Variants in GLDN observed in about 807,000 individuals in gnomAD.
GLDN encodes gliomedin.
Under a neutral mutation model 56.5 loss-of-function variants are expected in GLDN, and 47 were observed. The ratio of observed to expected loss-of-function variants is 0.83; its 90% CI spans 0.66 to 1.06. The LOEUF is 1.06. Ranked by LOEUF, GLDN falls within the 50% of genes least tolerant of loss-of-function variation. The pLI is 0.00. For missense variants in GLDN, 782 were observed against 714.3 expected (o/e 1.09, Z -1.08); for synonymous variants, 332 against 278.8 (o/e 1.19, Z -1.90).
At position 51,401,763 on chromosome 15, in the gene GLDN, C is replaced by T. The variant is rs778862255; in HGVS notation, c.1178+20C>T. On this transcript the variant is annotated intron_variant, in intron 9 of 9. Coordinates refer to ENST00000335449, the MANE Select transcript of GLDN (RefSeq NM_181789.4). Reference sequence around the variant, plus strand: ...AGTGAGGTAAGTCGCACCACAGCACCTTCTCACGCCTCTCAGGCAGCACCT... The same window carrying T: ...AGTGAGGTAAGTCGCACCACAGCACTTTCTCACGCCTCTCAGGCAGCACCT... The T allele has an allele frequency of 1.4e-5, 22 of 1,607,008 alleles. No homozygotes were observed. The Middle Eastern group carries it at 5.0e-4, about 37-fold the overall frequency.
rs1158904014 is a variant in GLDN at position 51,401,653 on chromosome 15, T to C, written c.1088T>C (p.Ile363Thr). ...PSLLNGSYTF[I>T]HLPYYFHGCG... ...CTTCTGAATGGCAGTTACACGTTCA[T>C]CCACCTTCCATACTATTTCCATGGC... Residue 363 changes from isoleucine (I) to threonine (T), a missense_variant, in exon 9 of 10, where the codon ATC becomes ACC. Transcript: ENST00000335449. The C allele has an allele frequency of 6.2e-7, 1 of 1,614,148 alleles. No homozygotes were observed. The highest frequency in any genetic ancestry group is 1.1e-5 in the South Asian group (1 of 91,084).
At chr15:51,379,011 A>T (rs2037696451) in intron 2 of GLDN, among the ~76,000 whole-genome samples, 1 of 152,194 alleles carries the variant, frequency 6.6e-6, no homozygotes, top group Non-Finnish European at 1.5e-5. Flanking sequence ...TCATCTTTGA[A>T]AAAGCAGGCA....
At chr15:51,399,531 C>T (rs968921870) in intron 6 of GLDN, among the ~76,000 whole-genome samples, 3 of 152,216 alleles carry the variant, frequency 2.0e-5, no homozygotes, top group African/African-American at 7.2e-5. Context: ...GGATGAGTCA[C>T]AGCTCAGCTG....
chr15:51,385,346 A>AT (rs1439315719), intron 4 of GLDN: 1 of 152,094 alleles, frequency 6.6e-6, no homozygotes, highest in Non-Finnish European at 1.5e-5. Context: ...CTTGAGACAG[A>AT]TCCCTGGCCT....
rs182324680 is a variant in GLDN at position 51,375,746 on chromosome 15, G to A, written c.364-1703G>A. On this transcript the variant is annotated intron_variant, in intron 1 of 9. Transcript: ENST00000335449. ...CCCAGGGGCAGTTTCCACGTGCCAG[G>A]GACTGAGCAGGTGCATTCCTCAAGG... Among the ~76,000 whole-genome samples the A allele has an allele frequency of 7.2e-5, 11 of 152,314 alleles. No homozygotes were observed. The East Asian group carries it at 2.1e-3, about 29-fold the overall frequency.
chr15:51,363,624 CA>C (rs2141067701), intron 1 of GLDN, among the ~76,000 whole-genome samples: 1 of 152,292 alleles, frequency 6.6e-6, no homozygotes, highest in Admixed American at 6.5e-5. Context: ...GAAAAATCCT[CA>C]AACACTTACG....
intron 1 of GLDN, among the ~76,000 whole-genome samples, chr15:51,359,653 A>G (rs1304233335): frequency 6.6e-6 from 1 of 152,190 alleles, no homozygotes; most frequent in Non-Finnish European, 1.5e-5. Flanking sequence ...ACCCTATGGC[A>G]TTTTTAGAGA....
chr15:51,377,210 G>A (rs990187113), intron 1 of GLDN: 17 of 542,020 alleles, frequency 3.1e-5, no homozygotes, highest in African/African-American at 7.6e-5. Flanking sequence ...ACACTACCCC[G>A]TGACTGGACA....
In GLDN at chr15:51,403,590, G is replaced by A. The variant is rs147967798; in HGVS notation, c.1179-687G>A. Among the ~76,000 whole-genome samples, 19 of 152,272 alleles carry A rather than the reference G, an allele frequency of 1.2e-4. No homozygotes were observed. The East Asian group carries it at 3.7e-3, about 29-fold the overall frequency. The stretch of plus-strand genomic sequence containing the variant: ...ATCTGTCAAATCATACAGCCTCCAG[G>A]AGCTAAGGGGCATGAGATTCCATGC... On this transcript the variant is annotated intron_variant, in intron 9 of 9. Transcript: ENST00000335449.
At chr15:51,348,941 G>C (rs765873490) in intron 1 of GLDN, among the ~76,000 whole-genome samples, 1 of 152,088 alleles carries the variant, frequency 6.6e-6, no homozygotes, top group African/African-American at 2.4e-5. Context: ...TGTGATTGTT[G>C]CTATTACTGA....
At chr15:51,373,473 T>C (rs2037557601) in intron 1 of GLDN, among the ~76,000 whole-genome samples, 1 of 152,244 alleles carries the variant, frequency 6.6e-6, no homozygotes, top group African/African-American at 2.4e-5. Context: ...ACCCACACAG[T>C]GCAAACCTGT....
rs747801689 is a variant in GLDN at position 51,404,484 on chromosome 15, C to T, written c.1386C>T (p.His462=). 2.2e-5 allele frequency: 36 copies of T among 1,614,118 alleles called. No homozygotes were observed. The highest frequency in any genetic ancestry group is 1.6e-4 in the Middle Eastern group (1 of 6,062). Residue 462 remains histidine (H), a synonymous_variant, in exon 10 of 10, where the codon CAC becomes CAT. Coordinates refer to ENST00000335449, the MANE Select transcript of GLDN (RefSeq NM_181789.4). ...LDERTFSVVQ[H]VNTTYPKSKA... is the part of the protein sequence containing the mutation. Reference sequence around the variant, plus strand: ...AGAGGACATTCTCAGTGGTGCAACACGTCAATACCACGTACCCTAAATCCA... The same window carrying T: ...AGAGGACATTCTCAGTGGTGCAACATGTCAATACCACGTACCCTAAATCCA...
chr15:51,349,887 T>C (rs1268394501), intron 1 of GLDN, among the ~76,000 whole-genome samples: 1 of 151,932 alleles, frequency 6.6e-6, no homozygotes, highest in Non-Finnish European at 1.5e-5. Flanking sequence ...TTACAGGCGC[T>C]TGCCACCATG....
chr15:51,363,169 G>A (rs1487857455), intron 1 of GLDN, among the ~76,000 whole-genome samples: 2 of 152,170 alleles, frequency 1.3e-5, no homozygotes, highest in Non-Finnish European at 2.9e-5. Context: ...GGGTCTGGGA[G>A]GGGGTGCCAG....
At chr15:51,359,145 G>T (rs895050485) in intron 1 of GLDN, among the ~76,000 whole-genome samples, 1 of 152,132 alleles carries the variant, frequency 6.6e-6, no homozygotes. Flanking sequence ...GCCCTCAATT[G>T]TGCCCCCTCC....
chr15:51,363,597 G>A (rs1566938844), intron 1 of GLDN, among the ~76,000 whole-genome samples: 2 of 152,210 alleles, frequency 1.3e-5, no homozygotes, highest in African/African-American at 4.8e-5. Context: ...GAATTCACAG[G>A]CGAGTGGGAG....
In GLDN at chr15:51,404,547, T is replaced by C; in HGVS notation, c.1449T>C (p.Tyr483=). 3 of 1,614,210 alleles carry C rather than the reference T, an allele frequency of 1.9e-6. No homozygotes were observed. The highest frequency in any genetic ancestry group is 2.5e-6 in the Non-Finnish European group (3 of 1,180,040). Reference sequence around the variant, plus strand: ...CCTTCATTGCCCGAGGAATCCTCTATGTCACAGACACCAAAGATATGAGGG... The same window carrying C: ...CCTTCATTGCCCGAGGAATCCTCTACGTCACAGACACCAAAGATATGAGGG... ...GNAFIARGIL[Y]VTDTKDMRVT... is the part of the protein sequence containing the mutation. The change falls in exon 10 of 10, where the codon TAT becomes TAC. Residue 483 remains tyrosine (Y), a synonymous_variant. Coordinates refer to ENST00000335449, the MANE Select transcript of GLDN (RefSeq NM_181789.4).
chr15:51,351,119 C>A, intron 1 of GLDN: 1 of 294,928 alleles, frequency 3.4e-6, no homozygotes, highest in Non-Finnish European at 6.6e-6. Flanking sequence ...GATATCTTGG[C>A]CCTTTCTCTT....
chr15:51,388,837 C>T (rs2037955502), intron 4 of GLDN, among the ~76,000 whole-genome samples: 2 of 152,114 alleles, frequency 1.3e-5, no homozygotes. Flanking sequence ...GGGCCCTGAG[C>T]GCTGGTGCAG....
Sources: allele counts gnomAD v4.1 joint callset (sites outside exome capture counted in the v4.1 genomes callset), GRCh38; gene constraint gnomAD v4.1.1; transcripts MANE v1.5; gene names NCBI Gene and HGNC (gene_info 2026-07-23, HGNC 2026-07-21).